Variants in KCNU1 observed in about 807,000 individuals in gnomAD.
The protein encoded by KCNU1 is potassium calcium-activated channel subfamily U member 1.
A neutral mutation model predicts 126.8 loss-of-function variants in KCNU1; 93 were observed. The observed-to-expected ratio is 0.73, with a 90% CI of 0.62 to 0.87. The LOEUF is 0.87. Ranked by LOEUF, KCNU1 falls within the 40% of genes least tolerant of loss-of-function variation. KCNU1 has a pLI of 0.00. For synonymous variants in KCNU1, 523 were observed against 494.2 expected (o/e 1.06, Z -0.77); for missense variants, 1,330 against 1,367.1 (o/e 0.97, Z 0.43).
chr8:36,920,725 C>T (rs947582845), intron 23 of KCNU1, among the ~76,000 whole-genome samples: 21 of 151,964 alleles, frequency 1.4e-4, no homozygotes, highest in South Asian at 1.0e-3. Flanking sequence ...TGTGTGTGTG[C>T]GTGCGCGCAC....
chr8:36,877,077 T>C (rs1806302031), intron 19 of KCNU1, among the ~76,000 whole-genome samples: 1 of 152,152 alleles, frequency 6.6e-6, no homozygotes, highest in East Asian at 1.9e-4. Flanking sequence ...CTCTGTTACC[T>C]GCACTTAGAA....
At chr8:36,878,908 A>G (rs1277390562) in intron 19 of KCNU1, among the ~76,000 whole-genome samples, 1 of 147,804 alleles carries the variant, frequency 6.8e-6, no homozygotes, top group African/African-American at 2.5e-5. Context: ...AATACATTAT[A>G]TAATATATGT....
intron 22 of KCNU1, among the ~76,000 whole-genome samples, chr8:36,911,857 C>G (rs1807887411): frequency 6.6e-6 from 1 of 152,198 alleles, no homozygotes; most frequent in Non-Finnish European, 1.5e-5. Context: ...CAAAATGTGC[C>G]TATGGTCAAT....
chr8:36,866,945 A>T (rs1040964870), intron 19 of KCNU1, among the ~76,000 whole-genome samples: 4 of 152,216 alleles, frequency 2.6e-5, no homozygotes, highest in Admixed American at 1.3e-4. Flanking sequence ...CTTGATCATT[A>T]CACATTCTAC....
At chr8:36,859,867 T>A (rs1337211729) in intron 18 of KCNU1, among the ~76,000 whole-genome samples, 1 of 152,146 alleles carries the variant, frequency 6.6e-6, no homozygotes, top group Non-Finnish European at 1.5e-5. Flanking sequence ...TATCAGTACA[T>A]AAAGAATATA....
At chr8:36,920,533 C>T (rs1585567466) in intron 23 of KCNU1, among the ~76,000 whole-genome samples, 1 of 146,584 alleles carries the variant, frequency 6.8e-6, no homozygotes, top group African/African-American at 2.6e-5. Flanking sequence ...ACCTACCTGC[C>T]AGCTTGTCCA....
chr8:36,876,521 T>C (rs1201597351), intron 19 of KCNU1, among the ~76,000 whole-genome samples: 3 of 152,188 alleles, frequency 2.0e-5, no homozygotes, highest in South Asian at 2.1e-4. Context: ...TTTCAAGGTC[T>C]ATCTTCCCAT....
At chr8:36,841,834 T>G (rs992072854) in intron 16 of KCNU1, among the ~76,000 whole-genome samples, 1 of 151,998 alleles carries the variant, frequency 6.6e-6, no homozygotes, top group Non-Finnish European at 1.5e-5. Context: ...CAAAAACCCA[T>G]AAGTGAATAA....
chr8:36,834,980 G>T, intron 12 of KCNU1, 112 bp downstream of exon 12: 2 of 688,152 alleles, frequency 2.9e-6, no homozygotes, highest in South Asian at 1.9e-5. Context: ...ATATCACTAG[G>T]TTCATCATAT....
chr8:36,904,216 G>T (rs773846182), intron 19 of KCNU1, among the ~76,000 whole-genome samples: 6 of 152,128 alleles, frequency 3.9e-5, no homozygotes, highest in Non-Finnish European at 7.4e-5. Flanking sequence ...GCACAAGAAA[G>T]GTTTATTTGT....
chr8:36,818,212 A>C (rs918682014), intron 10 of KCNU1, among the ~76,000 whole-genome samples: 3 of 152,326 alleles, frequency 2.0e-5, no homozygotes, highest in African/African-American at 7.2e-5. Context: ...AGCACTAGGA[A>C]ATACATATTT....
Position 36,844,390 on chromosome 8 carries a change from CA to C in KCNU1, c.1704-1180del, listed in dbSNP as rs527722655. Among the ~76,000 whole-genome samples, 20 of 135,226 alleles carry C rather than the reference CA, an allele frequency of 1.5e-4. No homozygotes were observed. In the East Asian group the frequency reaches 1.5e-3, roughly 10 times the overall value. The allele number at this position is 135,226 out of a possible 152,430, so 88.7% of individuals were successfully genotyped here. A position where few individuals can be genotyped will look rare whatever the true frequency, so the allele number is the denominator to read the frequency against. ...AGTGAAACTCCGTCTCAAAAAAAAA[CA>C]AAAAAAAAAGGCTATGTAAGACACA... On this transcript the variant is annotated intron_variant, in intron 16 of 26. Transcript: ENST00000399881.
intron 19 of KCNU1, among the ~76,000 whole-genome samples, chr8:36,901,633 C>T (rs940687260): frequency 2.6e-5 from 4 of 152,296 alleles, no homozygotes; most frequent in African/African-American, 9.6e-5. Context: ...TCTTATCCAG[C>T]AGCTTCCAAA....
At chr8:36,922,365 A>T in intron 23 of KCNU1, 125 bp from the exon 24 acceptor site, 2 of 1,019,172 alleles carry the variant, frequency 2.0e-6, no homozygotes, top group Non-Finnish European at 2.9e-6. Context: ...GGTTGATCCC[A>T]CAGAGACCCC....
At chr8:36,886,032 A>T (rs902333305) in intron 19 of KCNU1, among the ~76,000 whole-genome samples, 9 of 152,266 alleles carry the variant, frequency 5.9e-5, no homozygotes, top group African/African-American at 1.9e-4. Context: ...TCATACAATC[A>T]TATAATCTTC....
intron 19 of KCNU1, among the ~76,000 whole-genome samples, chr8:36,877,334 C>G (rs1008829346): frequency 4.0e-5 from 6 of 150,152 alleles, no homozygotes; most frequent in Non-Finnish European, 8.9e-5. Flanking sequence ...TGGAGTTTCA[C>G]TCTTGTCGCC....
rs572042541 is a variant in KCNU1, at chr8:36,886,095, G to T, written c.2010-19613G>T. 1.4e-4 allele frequency among the ~76,000 whole-genome samples: 21 copies of T among 152,248 alleles called. 4 individuals are homozygous for T. The highest frequency in any genetic ancestry group is 5.1e-4 in the African/African-American group (21 of 41,558). On this transcript the variant is annotated intron_variant, in intron 19 of 26. Coordinates refer to ENST00000399881, the MANE Select transcript of KCNU1 (RefSeq NM_001031836.3). Reference sequence around the variant, plus strand: ...AATAGGGCTTCAGTATCACAAAAGTGAATTATAGTTGAAAGAGGTGCAAGG... The same window carrying T: ...AATAGGGCTTCAGTATCACAAAAGTTAATTATAGTTGAAAGAGGTGCAAGG...
chr8:36,840,617 C>T (rs1804914593), intron 15 of KCNU1, 42 bp downstream of exon 15: 1 of 1,151,600 alleles, frequency 8.7e-7, no homozygotes, highest in Non-Finnish European at 1.3e-6. Context: ...CAGACAACAG[C>T]ATTCTTTCAA....
chr8:36,896,164 T>C (rs1172895821), intron 19 of KCNU1, among the ~76,000 whole-genome samples: 1 of 151,978 alleles, frequency 6.6e-6, no homozygotes, highest in East Asian at 1.9e-4. Context: ...TAAACTATTA[T>C]ATTTTAAATA....
Sources: gnomAD v4.1 joint callset for allele counts (sites outside exome capture counted in the v4.1 genomes callset) on GRCh38, gnomAD v4.1.1 for gene constraint, MANE v1.5 for transcripts, NCBI Gene and HGNC (gene_info 2026-07-23, HGNC 2026-07-21) for gene names.